The following CTNNA3 variants were observed in gnomAD, a reference collection of about 807,000 sequenced individuals.
The protein encoded by CTNNA3 is catenin alpha-3.
In CTNNA3, 76 loss-of-function variants were observed where a neutral mutation model predicts 95.7. The ratio of observed to expected loss-of-function variants is 0.79; its 90% CI spans 0.66 to 0.96. CTNNA3 has a LOEUF of 0.96. Among genes scored for constraint, CTNNA3 ranks in the 40% least tolerant of loss-of-function variants. The pLI is 0.00. For synonymous variants in CTNNA3, 431 were observed against 374.4 expected, an observed-to-expected ratio of 1.15 and a Z score of -1.74; for missense variants, 1,191 against 1,089.8, an observed-to-expected ratio of 1.09 and a Z score of -1.31.
intron 12 of CTNNA3, among the ~76,000 whole-genome samples, chr10:66,292,738 A>C (rs1210595535): frequency 6.6e-6 from 1 of 152,196 alleles, no homozygotes; most frequent in Non-Finnish European, 1.5e-5. Context: ...AAAACCTCTC[A>C]CATATCATTT....
At chr10:67,260,215 G>T (rs538461389) in intron 5 of CTNNA3, among the ~76,000 whole-genome samples, 3 of 152,168 alleles carry the variant, frequency 2.0e-5, no homozygotes, top group Non-Finnish European at 4.4e-5. Context: ...TAATGGAGAA[G>T]GAAAGAGTGG....
intron 1 of CTNNA3, among the ~76,000 whole-genome samples, chr10:67,761,598 G>T (rs933282167): frequency 6.6e-5 from 10 of 152,242 alleles, no homozygotes; most frequent in Non-Finnish European, 1.3e-4. Flanking sequence ...AGAAACACGA[G>T]CCGGGCGCGG....
intron 7 of CTNNA3, among the ~76,000 whole-genome samples, chr10:67,030,405 T>C (rs1027053029): frequency 2.0e-5 from 3 of 152,142 alleles, no homozygotes; most frequent in Non-Finnish European, 4.4e-5. Context: ...AGCTCACCAG[T>C]TAAAAATTTA....
chr10:66,725,090 T>C (rs1006360476), intron 9 of CTNNA3, among the ~76,000 whole-genome samples: 26 of 152,156 alleles, frequency 1.7e-4, no homozygotes, highest in African/African-American at 5.1e-4. Context: ...GTATGTGTTA[T>C]GCAAAATAGT....
chr10:65,981,234 G>GC (rs1375901624), intron 16 of CTNNA3, among the ~76,000 whole-genome samples: 1 of 151,366 alleles, frequency 6.6e-6, no homozygotes, highest in East Asian at 1.9e-4. Context: ...GAACTCAACC[G>GC]TTTTTTTACA....
chr10:66,826,296 C>T (rs1046203427), intron 7 of CTNNA3, among the ~76,000 whole-genome samples: 18 of 152,022 alleles, frequency 1.2e-4, no homozygotes, highest in African/African-American at 3.6e-4. Context: ...TATTTGTTTA[C>T]GACATGGTCT....
At chr10:67,669,355 A>G (rs1840389984) in intron 1 of CTNNA3, among the ~76,000 whole-genome samples, 1 of 152,192 alleles carries the variant, frequency 6.6e-6, no homozygotes, top group Admixed American at 6.5e-5. Context: ...TAACCTGTCC[A>G]TCCATGTTAC....
intron 7 of CTNNA3, among the ~76,000 whole-genome samples, chr10:66,997,531 G>A (rs1243022274): frequency 6.6e-6 from 1 of 152,082 alleles, no homozygotes; most frequent in Non-Finnish European, 1.5e-5. Flanking sequence ...AAAACTTTTA[G>A]ATCCCTGCTA....
chr10:66,850,935 C>A (rs1001252728), intron 7 of CTNNA3, among the ~76,000 whole-genome samples: 2 of 152,108 alleles, frequency 1.3e-5, no homozygotes, highest in Non-Finnish European at 2.9e-5. Flanking sequence ...TTAAATCACA[C>A]TTTCTAAGGC....
At chr10:65,982,293 C>T (rs137994430) in intron 16 of CTNNA3, among the ~76,000 whole-genome samples, 3 of 150,096 alleles carry the variant, frequency 2.0e-5, no homozygotes, top group Admixed American at 6.7e-5. Flanking sequence ...AAAACCACAA[C>T]GAGATACCAC....
intron 12 of CTNNA3, among the ~76,000 whole-genome samples, chr10:66,293,135 A>G (rs2091714660): frequency 6.6e-6 from 1 of 152,236 alleles, no homozygotes; most frequent in South Asian, 2.1e-4. Context: ...AAAATGAATC[A>G]CAAAATACTT....
At chr10:67,745,487 C>T (rs900250420) in intron 1 of CTNNA3, among the ~76,000 whole-genome samples, 8 of 131,990 alleles carry the variant, frequency 6.1e-5, no homozygotes, top group African/African-American at 1.2e-4. Flanking sequence ...GGAAGGGGAA[C>T]ATCACACACC....
intron 5 of CTNNA3, among the ~76,000 whole-genome samples, chr10:67,280,726 T>C (rs1839364345): frequency 6.6e-6 from 1 of 152,136 alleles, no homozygotes. Flanking sequence ...TTCCCTTATC[T>C]GCCTCCTGCA....
chr10:67,022,863 G>A (rs1009124320), intron 7 of CTNNA3, among the ~76,000 whole-genome samples: 67 of 152,052 alleles, frequency 4.4e-4, no homozygotes, highest in African/African-American at 1.4e-4. Flanking sequence ...GCTTGAACCC[G>A]GGTGGCGGAG....
intron 7 of CTNNA3, among the ~76,000 whole-genome samples, chr10:66,913,523 C>A (rs574660483): frequency 6.6e-6 from 1 of 152,082 alleles, no homozygotes; most frequent in South Asian, 2.1e-4. Context: ...GTCTCTTTCA[C>A]GTCAAAACTC....
chr10:66,822,036 T>A (rs1842320013), intron 7 of CTNNA3, among the ~76,000 whole-genome samples: 1 of 150,696 alleles, frequency 6.6e-6, no homozygotes, highest in African/African-American at 2.4e-5. Context: ...TATTAATATA[T>A]TATTGTTTAC....
At chr10:66,767,569 C>T (rs1283439666) in intron 8 of CTNNA3, among the ~76,000 whole-genome samples, 1 of 151,732 alleles carries the variant, frequency 6.6e-6, no homozygotes, top group East Asian at 1.9e-4. Context: ...AACCTCTGTA[C>T]AATAAAACAG....
intron 7 of CTNNA3, among the ~76,000 whole-genome samples, chr10:66,804,073 A>T (rs1435590342): frequency 6.6e-6 from 1 of 151,348 alleles, no homozygotes; most frequent in Non-Finnish European, 1.5e-5. Flanking sequence ...TTTTACCTCT[A>T]CTAGGTGTCT....
At chr10:67,264,962 C>T (rs1387672694) in intron 5 of CTNNA3, among the ~76,000 whole-genome samples, 1 of 152,092 alleles carries the variant, frequency 6.6e-6, no homozygotes, top group Non-Finnish European at 1.5e-5. Flanking sequence ...ATAATGACTT[C>T]GTATCAAGGG....
Sources: gnomAD v4.1 joint callset for allele counts (sites outside exome capture counted in the v4.1 genomes callset) on GRCh38, gnomAD v4.1.1 for gene constraint, MANE v1.5 for transcripts, NCBI Gene and HGNC (gene_info 2026-07-23, HGNC 2026-07-21) for gene names.